JPT1: variants seen among roughly 807,000 people sequenced by gnomAD.
JPT1 encodes the protein Jupiter microtubule associated homolog 1.
Under a neutral mutation model 17.0 loss-of-function variants are expected in JPT1, and 5 were observed. The ratio of observed to expected loss-of-function variants is 0.29; its 90% CI spans 0.15 to 0.62. The LOEUF is 0.62. Ranked by LOEUF, JPT1 falls within the 20% of genes least tolerant of loss-of-function variation. The probability of loss-of-function intolerance (pLI) is 0.85; values close to 1 mark genes in which losing one functional copy is unlikely to be tolerated. For missense variants in JPT1, 158 were observed against 188.1 expected (o/e 0.84, Z 0.94); for synonymous variants, 71 against 73.6 (o/e 0.96, Z 0.18).
intron 3 of JPT1, 118 bp downstream of exon 3, chr17:75,147,438 C>G: frequency 1.4e-6 from 1 of 694,880 alleles, no homozygotes; most frequent in East Asian, 2.5e-5. Context: ...CAATATGGCC[C>G]AGTCCCTTTC....
At position 75,149,145 on chromosome 17, in the gene JPT1, G is replaced by A. The variant is rs114796316; in HGVS notation, c.57-474C>T. The A allele has an allele frequency of 1.2e-4, 88 of 755,026 alleles. No individual in the cohort carries two copies. The African/African-American group carries it at 1.4e-3, about 12-fold the overall frequency. The allele number at this position is 755,026 out of a possible 1,614,324, so 46.8% of individuals were successfully genotyped here. On this transcript the variant is annotated intron_variant, in intron 1 of 4. Transcript: ENST00000409753. ...GCAGGATCATCACTTGAGCCTAGGA[G>A]TTCAAGACCAGCCTGGGCAACATGG...
intron 4 of JPT1, chr17:75,145,530 C>T (rs985522878): frequency 3.0e-4 from 45 of 152,238 alleles, no homozygotes; most frequent in African/African-American, 9.1e-4. Context: ...TACATCTGCC[C>T]CCTAAATCAT....
intron 4 of JPT1, among the ~76,000 whole-genome samples, chr17:75,138,118 G>A (rs367744056): frequency 7.6e-4 from 115 of 151,502 alleles, no homozygotes; most frequent in African/African-American, 2.4e-3. Context: ...CCGCTACAAC[G>A]CCCGACTAAT....
chr17:75,150,315 G>A (rs142328014), intron 1 of JPT1, among the ~76,000 whole-genome samples: 249 of 151,712 alleles, frequency 1.6e-3, no homozygotes, highest in African/African-American at 5.7e-3. Flanking sequence ...GTGCAGTGGT[G>A]CAATCTCGGC....
intron 1 of JPT1, among the ~76,000 whole-genome samples, chr17:75,149,397 T>C (rs1005366309): frequency 1.7e-4 from 26 of 152,080 alleles, no homozygotes; most frequent in Admixed American, 1.3e-3. Flanking sequence ...AGACGGAGTC[T>C]CCCTCTGTCG....
In JPT1 at chr17:75,151,528, T is replaced by G. The variant is rs563358297; in HGVS notation, c.56+2814A>C. ...AAAATTAGCTGGGCGTGGTGGCACATGCCTGTAGTCCCGACTATTCAGGAG... is the reference window on the plus strand; with the variant it reads ...AAAATTAGCTGGGCGTGGTGGCACAGGCCTGTAGTCCCGACTATTCAGGAG... On this transcript the variant is annotated intron_variant, in intron 1 of 4. Transcript: ENST00000409753. Among the ~76,000 whole-genome samples the G allele has an allele frequency of 2.0e-4, 31 of 152,144 alleles. 1 individual carries two copies. The South Asian group carries it at 6.0e-3, about 30-fold the overall frequency.
intron 2 of JPT1, 127 bp downstream of exon 2, chr17:75,148,402 C>G: frequency 1.8e-6 from 2 of 1,129,276 alleles, no homozygotes; most frequent in Non-Finnish European, 2.5e-6. Context: ...ACTGCCACTA[C>G]CACCAGCTAA....
chr17:75,139,675 C>T (rs1182791650), intron 4 of JPT1, among the ~76,000 whole-genome samples: 2 of 151,958 alleles, frequency 1.3e-5, no homozygotes, highest in African/African-American at 4.8e-5. Context: ...CAAAAATTAG[C>T]TGGGCGTGTG....
In JPT1 at chr17:75,154,344, G is replaced by A; in HGVS notation, c.54C>T (p.Ser18=). The A allele has an allele frequency of 6.5e-7, 1 of 1,545,836 alleles. No homozygotes were observed. Among genetic ancestry groups the A allele is most frequent in the Non-Finnish European group, 8.7e-7 (1 of 1,145,088 alleles). ...CGGGCGCGACCCGGTCGCCTCACCG[G>A]GAGCTATTCCTGCTGTTGGGGTCGA... The part of the protein sequence containing the change: ...KGVDPNSRNS[S]RVLRPPGGGS... Residue 18 remains serine, a splice_region_variant and synonymous_variant, in exon 1 of 5, where the codon TCC becomes TCT. Coordinates refer to ENST00000409753, the MANE Select transcript of JPT1 (RefSeq NM_016185.4).
At chr17:75,150,477 T>C (rs2074527203) in intron 1 of JPT1, among the ~76,000 whole-genome samples, 1 of 152,180 alleles carries the variant, frequency 6.6e-6, no homozygotes, top group Non-Finnish European at 1.5e-5. Flanking sequence ...GGTCTCGAAC[T>C]CCTGACCTCA....
chr17:75,146,279 G>A (rs925728900), intron 4 of JPT1, among the ~76,000 whole-genome samples: 8 of 152,102 alleles, frequency 5.3e-5, no homozygotes, highest in East Asian at 1.9e-4. Context: ...TGAGCCTCCC[G>A]AGTAGCTGGA....
chr17:75,147,892 G>A (rs145940612), intron 2 of JPT1: 143 of 431,128 alleles, frequency 3.3e-4, no homozygotes, highest in Middle Eastern at 2.0e-3. Context: ...CTAGCTACTC[G>A]GGAGGCTGAG....
At chr17:75,144,348 A>C (rs1265234607) in intron 4 of JPT1, among the ~76,000 whole-genome samples, 2 of 151,756 alleles carry the variant, frequency 1.3e-5, no homozygotes, top group Non-Finnish European at 2.9e-5. Flanking sequence ...ACATCTCTAC[A>C]AAAAAAGAAA....
chr17:75,148,378 G>C, intron 2 of JPT1, 151 bp downstream of exon 2: 1 of 887,434 alleles, frequency 1.1e-6, no homozygotes, highest in Non-Finnish European at 1.7e-6. Context: ...CGGAGTATCA[G>C]GGACTAAATG....
intron 3 of JPT1, among the ~76,000 whole-genome samples, chr17:75,146,975 A>G (rs1310705636): frequency 6.6e-6 from 1 of 152,206 alleles, no homozygotes; most frequent in Non-Finnish European, 1.5e-5. Flanking sequence ...TTAGAATGGA[A>G]AACTGGTAAA....
At chr17:75,150,450 G>A (rs777137298) in intron 1 of JPT1, among the ~76,000 whole-genome samples, 5 of 152,052 alleles carry the variant, frequency 3.3e-5, no homozygotes, top group South Asian at 2.1e-4. Context: ...ACGGGGTTTC[G>A]CCATGTTGGC....
At position 75,147,433 on chromosome 17, in the gene JPT1, T is replaced by G. The variant is rs574790462; in HGVS notation, c.297+123A>C. 197 of 652,070 alleles carry G rather than the reference T, an allele frequency of 3.0e-4. 2 individuals are homozygous for G. Among genetic ancestry groups the G allele is most frequent in the Non-Finnish European group, 4.9e-4 (177 of 362,908 alleles). 40.4% of individuals were successfully genotyped at this position (652,070 alleles called of 1,614,324 possible). ...TACTATCAATCTTCCATTATCAATATGGCCCAGTCCCTTTCCTAACTACCT... is the reference window on the plus strand; with the variant it reads ...TACTATCAATCTTCCATTATCAATAGGGCCCAGTCCCTTTCCTAACTACCT... On this transcript the variant is annotated intron_variant, in intron 3 of 4. Transcript: ENST00000409753.
At position 75,139,173 on chromosome 17, in the gene JPT1, A is replaced by C. The variant is rs180933714; in HGVS notation, c.317-2923T>G. Reference sequence around the variant, plus strand: ...CTCCACATTTAAAATATTCAAGATAAAGAGAATTCGGACTGAGACAACTTG... The same window carrying C: ...CTCCACATTTAAAATATTCAAGATACAGAGAATTCGGACTGAGACAACTTG... On this transcript the variant is annotated intron_variant, in intron 4 of 4. Coordinates refer to ENST00000409753, the MANE Select transcript of JPT1 (RefSeq NM_016185.4). Among the ~76,000 whole-genome samples, 136 of 152,324 alleles carry C rather than the reference A, an allele frequency of 8.9e-4. 1 individual carries two copies. The highest frequency in any genetic ancestry group is 8.2e-3 in the Admixed American group (125 of 15,298).
intron 4 of JPT1, among the ~76,000 whole-genome samples, chr17:75,141,515 T>G (rs1385940855): frequency 6.6e-6 from 1 of 151,072 alleles, no homozygotes; most frequent in Non-Finnish European, 1.5e-5. Flanking sequence ...TAGCTAGGCA[T>G]GGTGGTGCAT....
Sources: allele counts gnomAD v4.1 joint callset (sites outside exome capture counted in the v4.1 genomes callset), GRCh38; gene constraint gnomAD v4.1.1; transcripts MANE v1.5; gene names NCBI Gene and HGNC (gene_info 2026-07-23, HGNC 2026-07-21).